The following DIPK1A variants were observed in gnomAD, a reference collection of about 807,000 sequenced individuals.
DIPK1A encodes the protein family with sequence similarity 69 member A.
A neutral mutation model predicts 40.8 loss-of-function variants in DIPK1A; 27 were observed. The ratio of observed to expected loss-of-function variants is 0.66; its 90% CI spans 0.49 to 0.91. DIPK1A has a LOEUF of 0.91. Among genes scored for constraint, DIPK1A ranks in the 40% least tolerant of loss-of-function variants. The pLI is 0.00. For synonymous variants in DIPK1A, 166 were observed against 171.3 expected (o/e 0.97, Z 0.24); for missense variants, 412 against 505.7 (o/e 0.81, Z 1.78).
At chr1:92,900,616 T>G (rs1400877635) in intron 1 of DIPK1A, among the ~76,000 whole-genome samples, 1 of 152,024 alleles carries the variant, frequency 6.6e-6, no homozygotes, top group Non-Finnish European at 1.5e-5. Context: ...GATTTCCTTT[T>G]CATTGGGGTC....
At position 92,842,967 on chromosome 1, in the gene DIPK1A, A is replaced by G. The variant is rs758732647; in HGVS notation, c.*416T>C. On this transcript the variant is annotated 3_prime_UTR_variant, in exon 5 of 5. Transcript: ENST00000370310. The stretch of plus-strand genomic sequence containing the variant: ...TAATTTCTGTTAATGTGCAAACTTT[A>G]CCATGCTAAGACATTAGTAAATTTA... 1.2e-4 allele frequency: 120 copies of G among 990,432 alleles called. No individual in the cohort carries two copies. The highest frequency in any genetic ancestry group is 1.2e-4 in the Non-Finnish European group (103 of 833,320). The allele number at this position is 990,432 out of a possible 1,614,324, so 61.4% of individuals were successfully genotyped here.
intron 1 of DIPK1A, among the ~76,000 whole-genome samples, chr1:92,884,102 CAGCA>C (rs2100789448): frequency 6.6e-6 from 1 of 152,266 alleles, no homozygotes; most frequent in East Asian, 1.9e-4. Context: ...CAATAACTAT[CAGCA>C]AATCTTTTGC....
At chr1:92,953,509 G>T (rs529654593) in intron 1 of DIPK1A, among the ~76,000 whole-genome samples, 13 of 152,142 alleles carry the variant, frequency 8.5e-5, no homozygotes, top group Non-Finnish European at 1.5e-4. Flanking sequence ...CAACCTAAAT[G>T]TTCATCGACT....
chr1:92,913,245 T>C (rs900514807), intron 1 of DIPK1A, among the ~76,000 whole-genome samples: 1 of 152,228 alleles, frequency 6.6e-6, no homozygotes, highest in Non-Finnish European at 1.5e-5. Flanking sequence ...ATGACTACAA[T>C]ACTGCAGTTT....
chr1:92,868,740 TG>T, intron 2 of DIPK1A, among the ~76,000 whole-genome samples: 1 of 152,016 alleles, frequency 6.6e-6, no homozygotes, highest in Admixed American at 6.6e-5. Context: ...CCGAGGCAGG[TG>T]GATCACCTGA....
chr1:92,902,612 C>G (rs893326971), intron 1 of DIPK1A, among the ~76,000 whole-genome samples: 2 of 152,144 alleles, frequency 1.3e-5, no homozygotes, highest in African/African-American at 4.8e-5. Flanking sequence ...GCAGGGGACC[C>G]TAATGGTGAG....
intron 1 of DIPK1A, among the ~76,000 whole-genome samples, chr1:92,936,741 C>G (rs1230428399): frequency 6.6e-6 from 1 of 152,166 alleles, no homozygotes; most frequent in African/African-American, 2.4e-5. Flanking sequence ...TATCAGACAT[C>G]AAGACCCTTT....
chr1:92,935,991 A>G lies in DIPK1A; in HGVS notation c.54+25385T>C, dbSNP rs1261822369. ...CAGCTACTCAGGTGTCTGAGGTGGG[A>G]TGATCGATCACCTGGGCCCAAGAGT... On this transcript the variant is annotated intron_variant, in intron 1 of 4. Transcript: ENST00000370310. 4.6e-5 allele frequency among the ~76,000 whole-genome samples: 7 copies of G among 152,176 alleles called. No homozygotes were observed. The East Asian group carries it at 1.4e-3, about 29-fold the overall frequency.
At chr1:92,878,586 C>T (rs1436914804) in intron 1 of DIPK1A, among the ~76,000 whole-genome samples, 1 of 151,922 alleles carries the variant, frequency 6.6e-6, no homozygotes, top group Non-Finnish European at 1.5e-5. Flanking sequence ...TTTGGGAGGC[C>T]GAGGTGGGCG....
chr1:92,854,528 G>C (rs1438762256), intron 2 of DIPK1A, among the ~76,000 whole-genome samples: 1 of 152,188 alleles, frequency 6.6e-6, no homozygotes, highest in Non-Finnish European at 1.5e-5. Flanking sequence ...AGTCCTGATA[G>C]AGATCAAGAG....
intron 1 of DIPK1A, among the ~76,000 whole-genome samples, chr1:92,939,134 T>C (rs1029991779): frequency 3.3e-5 from 5 of 152,206 alleles, no homozygotes; most frequent in African/African-American, 1.2e-4. Flanking sequence ...ACTCCTGACC[T>C]CAGGTGATCT....
intron 1 of DIPK1A, chr1:92,930,790 T>G (rs1211122213): frequency 1.3e-5 from 2 of 152,204 alleles, no homozygotes; most frequent in African/African-American, 2.4e-5. Context: ...TTTGATCTAG[T>G]CAACTGATAC....
At chr1:92,889,953 T>C (rs1364223834) in intron 1 of DIPK1A, among the ~76,000 whole-genome samples, 1 of 152,190 alleles carries the variant, frequency 6.6e-6, no homozygotes, top group Admixed American at 6.5e-5. Flanking sequence ...CCCAGCTGTC[T>C]TTCCATTTTT....
chr1:92,912,096 T>A (rs1278352209), intron 1 of DIPK1A, among the ~76,000 whole-genome samples: 1 of 150,064 alleles, frequency 6.7e-6, no homozygotes, highest in African/African-American at 2.4e-5. Context: ...CATTTTATAC[T>A]CTCAACAGCA....
chr1:92,894,986 A>G (rs1261676971), intron 1 of DIPK1A, among the ~76,000 whole-genome samples: 17 of 152,110 alleles, frequency 1.1e-4, no homozygotes, highest in Non-Finnish European at 7.3e-5. Flanking sequence ...GACCAATAAC[A>G]GGCTCTGAAA....
rs1557477113 is a variant in DIPK1A, at chr1:92,901,157, T to C, written c.55-24727A>G. 3.3e-5 allele frequency among the ~76,000 whole-genome samples: 5 copies of C among 151,902 alleles called. No individual in the cohort carries two copies. The South Asian group carries it at 1.0e-3, about 32-fold the overall frequency. ...GGTTGTGGCAGGGTGGCAGCATACA[T>C]TGTTAATGTCCTCAGTATCAAGGGC... On this transcript the variant is annotated intron_variant, in intron 1 of 4. Transcript: ENST00000370310.
downstream of DIPK1A, chr1:92,840,816 C>T (rs1557444332): frequency 1.4e-6 from 1 of 723,294 alleles, no homozygotes. Flanking sequence ...TAGCCTCAGA[C>T]ACTACTGAGG....
chr1:92,948,712 CAT>C (rs200251367), intron 1 of DIPK1A, among the ~76,000 whole-genome samples: 6 of 90,224 alleles, frequency 6.7e-5, no homozygotes, highest in Non-Finnish European at 1.6e-4. Flanking sequence ...TGTATATACA[CAT>C]ATATTTTTTA....
rs145584843 is a variant in DIPK1A, at chr1:92,954,145, T to C, written c.54+7231A>G. Among the ~76,000 whole-genome samples, 41 of 152,168 alleles carry C rather than the reference T, an allele frequency of 2.7e-4. 1 individual carries two copies. The highest frequency in any genetic ancestry group is 9.6e-4 in the African/African-American group (40 of 41,540). On this transcript the variant is annotated intron_variant, in intron 1 of 4. Coordinates refer to ENST00000370310, the MANE Select transcript of DIPK1A (RefSeq NM_001006605.5). Reference sequence around the variant, plus strand: ...AGATTAAAAAGTTTTAAAGGAAAATTATTTGCAAATGATTTGAACATCTAG... The same window carrying C: ...AGATTAAAAAGTTTTAAAGGAAAATCATTTGCAAATGATTTGAACATCTAG...
Sources: allele counts gnomAD v4.1 joint callset (sites outside exome capture counted in the v4.1 genomes callset), GRCh38; gene constraint gnomAD v4.1.1; transcripts MANE v1.5; gene names NCBI Gene and HGNC (gene_info 2026-07-23, HGNC 2026-07-21).